The following ATP6V1H variants were observed in gnomAD, a reference collection of about 807,000 sequenced individuals.
ATP6V1H encodes ATPase H+ transporting V1 subunit H.
A neutral mutation model predicts 71.7 loss-of-function variants in ATP6V1H; 39 were observed. The observed-to-expected ratio is 0.54, with a 90% CI of 0.42 to 0.71. ATP6V1H has a LOEUF of 0.71. ATP6V1H is among the 30% of genes least tolerant of loss of function. The pLI is 0.00. For missense variants in ATP6V1H, 509 were observed against 594.9 expected (o/e 0.86, Z 1.50); for synonymous variants, 192 against 199.3 (o/e 0.96, Z 0.31).
intron 2 of ATP6V1H, among the ~76,000 whole-genome samples, chr8:53,836,456 A>C (rs907997113): frequency 2.0e-4 from 30 of 152,124 alleles, no homozygotes; most frequent in African/African-American, 7.0e-4. Flanking sequence ...TCTTCCTTTG[A>C]CATTTCCATA....
intron 7 of ATP6V1H, among the ~76,000 whole-genome samples, chr8:53,809,578 C>G (rs1173001613): frequency 6.6e-6 from 1 of 152,186 alleles, no homozygotes; most frequent in East Asian, 1.9e-4. Flanking sequence ...GACCAACACA[C>G]CACCAATTCA....
At chr8:53,756,419 C>T (rs1808065802) in intron 12 of ATP6V1H, 136 bp downstream of exon 12, 2 of 638,654 alleles carry the variant, frequency 3.1e-6, no homozygotes, top group Admixed American at 3.0e-5. Context: ...TCATAATTCT[C>T]ACTATTGTGG....
At chr8:53,733,461 C>A (rs1162142446) in intron 13 of ATP6V1H, among the ~76,000 whole-genome samples, 1 of 152,182 alleles carries the variant, frequency 6.6e-6, no homozygotes, top group Non-Finnish European at 1.5e-5. Flanking sequence ...GCTGGGACAC[C>A]CCACAGCAAC....
chr8:53,797,465 G>C (rs1192138851), intron 8 of ATP6V1H, among the ~76,000 whole-genome samples: 1 of 152,116 alleles, frequency 6.6e-6, no homozygotes, highest in Admixed American at 6.6e-5. Context: ...AGAGTCCTGG[G>C]TTCCAAATCC....
At chr8:53,823,990 T>C (rs1810744085) in intron 4 of ATP6V1H, among the ~76,000 whole-genome samples, 1 of 149,390 alleles carries the variant, frequency 6.7e-6, no homozygotes, top group Non-Finnish European at 1.5e-5. Flanking sequence ...AAACACTGGT[T>C]AATCAAGAAA....
chr8:53,780,896 T>C (rs573810064), intron 9 of ATP6V1H, among the ~76,000 whole-genome samples: 1 of 152,354 alleles, frequency 6.6e-6, no homozygotes, highest in African/African-American at 2.4e-5. Flanking sequence ...CTGCAGAGTA[T>C]TCCATGGTGT....
chr8:53,803,905 C>T lies in ATP6V1H; in HGVS notation c.580-2009G>A, dbSNP rs186353330. 5.0e-4 allele frequency among the ~76,000 whole-genome samples: 76 copies of T among 152,272 alleles called. 2 individuals are homozygous for T. In the East Asian group the frequency reaches 0.011, roughly 23 times the overall value. On this transcript the variant is annotated intron_variant, in intron 7 of 13. Transcript: ENST00000359530. The stretch of plus-strand genomic sequence containing the variant: ...ATGAATAAAAAGGCAACAGAGAGCA[C>T]CCTCTTCTCTTCCATTTACCATCAG...
chr8:53,810,055 A>G (rs1810223079), intron 7 of ATP6V1H, among the ~76,000 whole-genome samples: 1 of 152,210 alleles, frequency 6.6e-6, no homozygotes. Flanking sequence ...TACCCGTGAC[A>G]TTCATTCAGA....
chr8:53,806,944 T>G (rs574319462), intron 7 of ATP6V1H: 1 of 434,800 alleles, frequency 2.3e-6, no homozygotes, highest in South Asian at 1.6e-5. Flanking sequence ...ACTGTAAAGT[T>G]GAAAAATCAT....
chr8:53,716,729 G>A (rs1806438793), intron 13 of ATP6V1H, among the ~76,000 whole-genome samples: 1 of 152,184 alleles, frequency 6.6e-6, no homozygotes, highest in Admixed American at 6.5e-5. Context: ...CTCTCATTCA[G>A]AAAATAAGCA....
At chr8:53,762,957 C>G (rs148790056) in intron 11 of ATP6V1H, among the ~76,000 whole-genome samples, 20 of 152,322 alleles carry the variant, frequency 1.3e-4, no homozygotes, top group Non-Finnish European at 2.2e-4. Flanking sequence ...ACTTAATGGA[C>G]AGTAAATATA....
chr8:53,736,420 C>T (rs1047506197), intron 13 of ATP6V1H, among the ~76,000 whole-genome samples: 5 of 152,180 alleles, frequency 3.3e-5, no homozygotes, highest in African/African-American at 1.2e-4. Flanking sequence ...AATAACTATA[C>T]TCTGACTAAT....
At chr8:53,728,917 C>T (rs1465808565) in intron 13 of ATP6V1H, among the ~76,000 whole-genome samples, 7 of 152,240 alleles carry the variant, frequency 4.6e-5, no homozygotes, top group African/African-American at 1.7e-4. Flanking sequence ...CTCCCACTAA[C>T]AGATTCTAGC....
chr8:53,745,304 G>A (rs957272457), intron 12 of ATP6V1H, among the ~76,000 whole-genome samples: 1 of 152,104 alleles, frequency 6.6e-6, no homozygotes, highest in Non-Finnish European at 1.5e-5. Context: ...GAGAGGCTGA[G>A]GTGGGAAGAT....
intron 7 of ATP6V1H, among the ~76,000 whole-genome samples, chr8:53,808,148 C>G (rs530458105): frequency 6.6e-6 from 1 of 152,208 alleles, no homozygotes; most frequent in Non-Finnish European, 1.5e-5. Context: ...TCTCATGAAT[C>G]GTTCTCTTGC....
At chr8:53,804,669 G>A (rs1810021368) in intron 7 of ATP6V1H, among the ~76,000 whole-genome samples, 1 of 152,092 alleles carries the variant, frequency 6.6e-6, no homozygotes, top group Non-Finnish European at 1.5e-5. Context: ...GTGACACCCT[G>A]TCTCAAAAAA....
chr8:53,829,632 C>A, intron 3 of ATP6V1H, 99 bp from the exon 4 acceptor site: 1 of 703,596 alleles, frequency 1.4e-6, no homozygotes, highest in Admixed American at 3.2e-5. Flanking sequence ...AATTAGGATA[C>A]AAATATTACT....
chr8:53,811,050 G>A, intron 7 of ATP6V1H, 114 bp downstream of exon 7: 2 of 748,870 alleles, frequency 2.7e-6, no homozygotes, highest in Admixed American at 4.5e-5. Flanking sequence ...CCTAACTGGA[G>A]GTGACCATGG....
chr8:53,725,179 T>C (rs1254539160), intron 13 of ATP6V1H, among the ~76,000 whole-genome samples: 2 of 152,252 alleles, frequency 1.3e-5, no homozygotes, highest in East Asian at 3.9e-4. Context: ...GATTAATCCA[T>C]TCATGAATTA....
Sources: allele counts gnomAD v4.1 joint callset (sites outside exome capture counted in the v4.1 genomes callset), GRCh38; gene constraint gnomAD v4.1.1; transcripts MANE v1.5; gene names NCBI Gene and HGNC (gene_info 2026-07-23, HGNC 2026-07-21).